PGM5: variants seen among roughly 807,000 people sequenced by gnomAD.
PGM5 encodes the protein phosphoglucomutase-like protein 5.
In PGM5, 23 loss-of-function variants were observed where a neutral mutation model predicts 59.2. That is an observed-to-expected ratio of 0.39 (90% CI 0.28 to 0.55). The LOEUF (loss-of-function observed/expected upper bound fraction) is 0.55, where lower values mean the gene tolerates loss of function less well. Ranked by LOEUF, PGM5 falls within the 20% of genes least tolerant of loss-of-function variation. The pLI is 0.66. For missense variants in PGM5, 574 were observed against 748.3 expected (o/e 0.77, Z 2.72); for synonymous variants, 214 against 286.0 (o/e 0.75, Z 2.54).
intron 6 of PGM5, among the ~76,000 whole-genome samples, chr9:68,439,989 T>A (rs1354760213): frequency 6.6e-6 from 1 of 152,172 alleles, no homozygotes; most frequent in African/African-American, 2.4e-5. Context: ...CTTTGAAAAC[T>A]GAAATCATGT....
intron 6 of PGM5, among the ~76,000 whole-genome samples, chr9:68,427,565 A>C (rs1554682770): frequency 6.6e-6 from 1 of 152,218 alleles, no homozygotes. Context: ...TGGCCAACTC[A>C]GGAAAGATCT....
At chr9:68,427,534 T>C (rs1823258476) in intron 6 of PGM5, among the ~76,000 whole-genome samples, 1 of 152,164 alleles carries the variant, frequency 6.6e-6, no homozygotes, top group South Asian at 2.1e-4. Context: ...TGGGCATGAA[T>C]GCTGGGGAGG....
At chr9:68,494,824 G>A (rs1824456597) in intron 9 of PGM5, among the ~76,000 whole-genome samples, 1 of 152,170 alleles carries the variant, frequency 6.6e-6, no homozygotes. Flanking sequence ...TTTATCTTTT[G>A]CAACCACTCT....
chr9:68,406,717 T>C (rs1403680556), intron 6 of PGM5, among the ~76,000 whole-genome samples: 2 of 99,400 alleles, frequency 2.0e-5, no homozygotes, highest in East Asian at 3.6e-4. Context: ...TATATATATA[T>C]ATATATATGT....
intron 7 of PGM5, among the ~76,000 whole-genome samples, chr9:68,467,395 T>C (rs1554685913): frequency 6.6e-6 from 1 of 152,326 alleles, no homozygotes; most frequent in East Asian, 1.9e-4. Flanking sequence ...TCTTTGGAAT[T>C]CACTTGACTG....
chr9:68,450,667 G>A (rs560821022), intron 6 of PGM5, among the ~76,000 whole-genome samples: 1 of 152,270 alleles, frequency 6.6e-6, no homozygotes, highest in East Asian at 1.9e-4. Context: ...CATGAGGGGG[G>A]AAAAATCCAC....
At chr9:68,484,217 G>C (rs1457425741) in intron 9 of PGM5, among the ~76,000 whole-genome samples, 169 bp downstream of exon 9, 1 of 151,974 alleles carries the variant, frequency 6.6e-6, no homozygotes, top group Non-Finnish European at 1.5e-5. Flanking sequence ...TAACAAGTTA[G>C]TGCACAGGGT....
chr9:68,399,796 G>A (rs28412750), intron 6 of PGM5, among the ~76,000 whole-genome samples: 49,731 of 152,004 alleles, frequency 0.33, 8,196 homozygotes, highest in Middle Eastern at 0.39. Flanking sequence ...TAGCCAAATT[G>A]TTATCAGTAG....
At chr9:68,378,470 C>A (rs1452024086) in intron 2 of PGM5, 109 bp downstream of exon 2, 16 of 1,372,870 alleles carry the variant, frequency 1.2e-5, no homozygotes, top group African/African-American at 1.5e-5. Context: ...GAGGACCTAG[C>A]TCAGAAAAAT....
At chr9:68,435,953 G>A (rs1281174566) in intron 6 of PGM5, among the ~76,000 whole-genome samples, 6 of 152,090 alleles carry the variant, frequency 3.9e-5, no homozygotes, top group East Asian at 1.9e-4. Context: ...TGAACTTTTC[G>A]GTAAACTAAC....
At chr9:68,365,119 G>T in intron 1 of PGM5, among the ~76,000 whole-genome samples, 1 of 146,386 alleles carries the variant, frequency 6.8e-6, no homozygotes, top group Non-Finnish European at 1.5e-5. Flanking sequence ...CCAAGCATAG[G>T]TATTGGAATC....
At chr9:68,427,846 G>A (rs1204404022) in intron 6 of PGM5, among the ~76,000 whole-genome samples, 1 of 152,092 alleles carries the variant, frequency 6.6e-6, no homozygotes, top group Admixed American at 6.5e-5. Context: ...AACTCTGTGG[G>A]CAGAGATTGT....
At chr9:68,466,349 G>A (rs1823935302) in intron 7 of PGM5, 1 of 340,844 alleles carries the variant, frequency 2.9e-6, no homozygotes, top group African/African-American at 2.3e-5. Context: ...ATCTGTTTAT[G>A]TAATTGTTTA....
At chr9:68,470,956 G>C (rs1824010225) in intron 7 of PGM5, among the ~76,000 whole-genome samples, 2 of 152,228 alleles carry the variant, frequency 1.3e-5, no homozygotes, top group South Asian at 4.1e-4. Context: ...CTCCCTTCTG[G>C]GTCCTCTGTG....
intron 6 of PGM5, among the ~76,000 whole-genome samples, chr9:68,436,624 T>A (rs532303503): frequency 6.6e-6 from 1 of 152,238 alleles, no homozygotes; most frequent in Non-Finnish European, 1.5e-5. Flanking sequence ...GGCCTCATGA[T>A]TGAAATTTCT....
chr9:68,501,212 G>C (rs1377605867), intron 10 of PGM5, among the ~76,000 whole-genome samples: 1 of 152,076 alleles, frequency 6.6e-6, no homozygotes, highest in Non-Finnish European at 1.5e-5. Context: ...GACCTGGCTC[G>C]ATGGGCCCCC....
intron 6 of PGM5, among the ~76,000 whole-genome samples, chr9:68,395,123 C>T (rs1411832162): frequency 6.6e-5 from 10 of 152,146 alleles, no homozygotes; most frequent in Non-Finnish European, 8.8e-5. Context: ...TCAACTTTTA[C>T]ACTTATGTCT....
chr9:68,434,507 T>C (rs1823413427), intron 6 of PGM5, among the ~76,000 whole-genome samples: 1 of 151,936 alleles, frequency 6.6e-6, no homozygotes, highest in Non-Finnish European at 1.5e-5. Flanking sequence ...TGAAACCTGG[T>C]GTTAAAATTG....
intron 6 of PGM5, among the ~76,000 whole-genome samples, chr9:68,442,931 A>G (rs995016838): frequency 1.3e-5 from 2 of 152,234 alleles, no homozygotes; most frequent in Non-Finnish European, 2.9e-5. Flanking sequence ...CATATCATCT[A>G]GAGCTGTCAT....
Sources: allele counts gnomAD v4.1 joint callset (sites outside exome capture counted in the v4.1 genomes callset), GRCh38; gene constraint gnomAD v4.1.1; transcripts MANE v1.5; gene names NCBI Gene and HGNC (gene_info 2026-07-23, HGNC 2026-07-21).